IL4I1: variants seen among roughly 807,000 people sequenced by gnomAD.
The protein encoded by IL4I1 is L-amino-acid oxidase.
IL4I1 carries 24 observed loss-of-function variants against 29.7 expected under a neutral mutation model. The observed-to-expected ratio is 0.81, with a 90% confidence interval of 0.59 to 1.14. The LOEUF is 1.14. IL4I1 is among the 50% of genes most tolerant of loss of function. The probability of loss-of-function intolerance (pLI) is 0.00; values close to 1 mark genes in which losing one functional copy is unlikely to be tolerated. For synonymous variants in IL4I1, 371 were observed against 352.5 expected (o/e 1.05, Z -0.59); for missense variants, 686 against 785.6 (o/e 0.87, Z 1.52).
intron 5 of IL4I1, 38 bp from the exon 6 acceptor site, chr19:49,891,511 G>A (rs773388491): frequency 1.9e-6 from 3 of 1,594,614 alleles, no homozygotes; most frequent in Admixed American, 3.3e-5. Flanking sequence ...TGAGCTGCCC[G>A]GGCAGCCAGG....
rs2075361837 is a variant in IL4I1 at position 49,908,009 on chromosome 19, CA to C, written c.-227-3689del. 1.6e-5 allele frequency: 14 copies of C among 875,658 alleles called. No homozygotes were observed. The South Asian group carries it at 2.6e-4, about 16-fold the overall frequency. The allele number at this position is 875,658 out of a possible 1,614,324, so 54.2% of individuals were successfully genotyped here. ...TAGGTGAAAAGGGGCCAAAGATACT[CA>C]AATGAAAGCCACAGAAGCCACACCC... On this transcript the variant is annotated intron_variant, in intron 2 of 9. Transcript: ENST00000341114.
intron 1 of IL4I1, 150 bp downstream of exon 1, chr19:49,896,685 C>T (rs991326016): frequency 1.1e-4 from 31 of 280,368 alleles, no homozygotes; most frequent in Admixed American, 2.6e-4. Context: ...CCACCCACCT[C>T]GGCCTCCCAA....
At chr19:49,913,417 G>A (rs1416322357) in intron 2 of IL4I1, among the ~76,000 whole-genome samples, 1 of 152,216 alleles carries the variant, frequency 6.6e-6, no homozygotes, top group Non-Finnish European at 1.5e-5. Flanking sequence ...TGTTGACGCT[G>A]TGACCTAGAG....
intron 3 of IL4I1, among the ~76,000 whole-genome samples, chr19:49,903,891 G>A (rs1370909145): frequency 7.3e-6 from 1 of 137,624 alleles, no homozygotes; most frequent in Non-Finnish European, 1.5e-5. Flanking sequence ...CCAGGCTGGA[G>A]TGCAGTGGTA....
chr19:49,895,707 A>AAC, intron 3 of IL4I1, 108 bp downstream of exon 3: 1 of 513,086 alleles, frequency 1.9e-6, no homozygotes, highest in Non-Finnish European at 3.7e-6. Context: ...CTCCCCCCAC[A>AAC]TCCCCACCTC....
At chr19:49,891,826 A>G (rs2075143920) in intron 5 of IL4I1, among the ~76,000 whole-genome samples, 1 of 152,070 alleles carries the variant, frequency 6.6e-6, no homozygotes, top group Non-Finnish European at 1.5e-5. Flanking sequence ...TGGAGAGGAG[A>G]CTGGGAGAGG....
intron 2 of IL4I1, among the ~76,000 whole-genome samples, chr19:49,923,028 C>T (rs1270538002): frequency 1.3e-5 from 2 of 152,170 alleles, no homozygotes; most frequent in African/African-American, 4.8e-5. Context: ...TGATGGCATC[C>T]TGGGCTCTAG....
At chr19:49,928,740 C>T (rs1013123859) in intron 1 of IL4I1, 1 of 152,158 alleles carries the variant, frequency 6.6e-6, no homozygotes. Context: ...GACTCTAACC[C>T]ACGAGGGTTT....
At chr19:49,904,568 A>C (rs1040178190) in intron 2 of IL4I1, among the ~76,000 whole-genome samples, 2 of 151,740 alleles carry the variant, frequency 1.3e-5, no homozygotes, top group South Asian at 4.2e-4. Context: ...TTTTTTTTTG[A>C]GATGAAGTCT....
chr19:49,904,992 G>A (rs1373865984), intron 2 of IL4I1, among the ~76,000 whole-genome samples: 3 of 152,098 alleles, frequency 2.0e-5, no homozygotes, highest in African/African-American at 7.2e-5. Context: ...TTACAGGCAT[G>A]AGCCACCGTG....
upstream of IL4I1, chr19:49,896,984 G>GGACCA: frequency 1.6e-6 from 1 of 645,152 alleles, no homozygotes; most frequent in Non-Finnish European, 1.9e-6. Context: ...CTGGTTTCCT[G>GGACCA]GAGCTGCTCT....
upstream of IL4I1, among the ~76,000 whole-genome samples, chr19:49,897,774 A>G (rs1555819415): frequency 1.5e-5 from 2 of 134,166 alleles, no homozygotes; most frequent in Non-Finnish European, 3.0e-5. Context: ...AGAGGGAGCC[A>G]GGGGCTCCGT....
chr19:49,894,927 C>G, intron 4 of IL4I1, 141 bp downstream of exon 4: 6 of 663,936 alleles, frequency 9.0e-6, no homozygotes, highest in Non-Finnish European at 1.6e-5. Context: ...GGAGGCAAGA[C>G]TGAGGTGAGG....
chr19:49,906,631 C>T (rs1217903321), intron 2 of IL4I1, among the ~76,000 whole-genome samples: 2 of 152,240 alleles, frequency 1.3e-5, no homozygotes, highest in African/African-American at 2.4e-5. Flanking sequence ...GAGCAAACCA[C>T]GATTTGCATT....
intron 2 of IL4I1, among the ~76,000 whole-genome samples, chr19:49,904,976 CTGGGATT>C (rs2075303492): frequency 6.6e-6 from 1 of 152,118 alleles, no homozygotes; most frequent in East Asian, 1.9e-4. Context: ...TCCCAAAGGG[CTGGGATT>C]ACAGGCATGA....
chr19:49,894,307 G>C lies in IL4I1; in HGVS notation c.528C>G (p.Gly176=). The C allele has an allele frequency of 6.2e-7, 1 of 1,614,146 alleles. No individual in the cohort carries two copies. The highest frequency in any genetic ancestry group is 8.5e-7 in the Non-Finnish European group (1 of 1,180,018). The change falls in exon 5 of 8, where the codon GGC becomes GGG. Residue 176 remains glycine, a synonymous_variant. Transcript: ENST00000391826. ...LGYALRPQEK[G]HSPEDIYQMA... ...TCTGGTAGATGTCTTCGGGCGAGTGGCCCTTTTCCTGGGGACGCAAGGCGT... is the reference window on the plus strand; with the variant it reads ...TCTGGTAGATGTCTTCGGGCGAGTGCCCCTTTTCCTGGGGACGCAAGGCGT...
At chr19:49,926,522 T>C (rs62126295) in intron 2 of IL4I1, among the ~76,000 whole-genome samples, 6,379 of 146,810 alleles carry the variant, frequency 0.043, 274 homozygotes, top group East Asian at 0.12. Flanking sequence ...ACAGCAAGAC[T>C]CTGTCTCAAA....
chr19:49,923,936 C>T (rs966751770), intron 2 of IL4I1, among the ~76,000 whole-genome samples: 1 of 152,234 alleles, frequency 6.6e-6, no homozygotes, highest in African/African-American at 2.4e-5. Context: ...GGCTCAGGAC[C>T]AGAACCCCGG....
intron 2 of IL4I1, among the ~76,000 whole-genome samples, chr19:49,906,583 G>C (rs533050553): frequency 1.3e-5 from 2 of 152,306 alleles, no homozygotes; most frequent in African/African-American, 4.8e-5. Flanking sequence ...GGCTTCACTC[G>C]TGTGTTCCTC....
Sources: gnomAD v4.1 joint callset for allele counts (sites outside exome capture counted in the v4.1 genomes callset) on GRCh38, gnomAD v4.1.1 for gene constraint, MANE v1.5 for transcripts, NCBI Gene and HGNC (gene_info 2026-07-23, HGNC 2026-07-21) for gene names.